SLCO3A1: variants seen among roughly 807,000 people sequenced by gnomAD.
SLCO3A1 encodes the protein solute carrier organic anion transporter family member 3A1.
Under a neutral mutation model 63.1 loss-of-function variants are expected in SLCO3A1, and 27 were observed. The observed-to-expected ratio is 0.43, with a 90% CI of 0.32 to 0.59. The LOEUF is 0.59. SLCO3A1 is among the 20% of genes least tolerant of loss of function. The probability of loss-of-function intolerance (pLI) is 0.09; values close to 1 mark genes in which losing one functional copy is unlikely to be tolerated. For missense variants in SLCO3A1, 773 were observed against 945.8 expected (o/e 0.82, Z 2.40); for synonymous variants, 473 against 409.9 (o/e 1.15, Z -1.86).
At chr15:92,082,228 G>A (rs567566625) in intron 2 of SLCO3A1, among the ~76,000 whole-genome samples, 1 of 152,314 alleles carries the variant, frequency 6.6e-6, no homozygotes, top group East Asian at 1.9e-4. Context: ...TATGGATCAT[G>A]TTTTATTCAT....
At chr15:92,065,149 C>T (rs1458401240) in intron 2 of SLCO3A1, among the ~76,000 whole-genome samples, 1 of 152,220 alleles carries the variant, frequency 6.6e-6, no homozygotes, top group East Asian at 1.9e-4. Context: ...GTGGCACGAT[C>T]TCAGCTCACT....
At chr15:92,107,024 A>C (rs2151548433) in intron 4 of SLCO3A1, among the ~76,000 whole-genome samples, 1 of 152,286 alleles carries the variant, frequency 6.6e-6, no homozygotes, top group Non-Finnish European at 1.5e-5. Context: ...ATGTTCCACT[A>C]GGGTGCAATA....
chr15:92,167,011 TAC>T (rs2048497238), downstream of SLCO3A1, among the ~76,000 whole-genome samples: 2 of 152,204 alleles, frequency 1.3e-5, no homozygotes, highest in Admixed American at 1.3e-4. Context: ...CATCTGATCA[TAC>T]AGTCAAGACC....
rs778767366 is a variant in SLCO3A1 at position 92,126,223 on chromosome 15, G to A, written c.1337G>A (p.Gly446Asp). The part of the protein sequence containing the change: ...VSFLFLGCDT[G>D]PVAGVTVPYG... ...TTCCTCTTCCTGGGCTGCGACACTG[G>A]CCCTGTGGCTGGGGTTACTGTTCCC... The change falls in exon 6 of 10, where the codon GGC (glycine) becomes GAC (aspartate). Residue 446 changes from glycine to aspartate, a missense_variant. Gly to Asp is a moderately conservative substitution (Grantham distance 94, BLOSUM62 -1). Around this residue, in one of 3 missense-constraint regions of SLCO3A1, gnomAD observed 565 missense variants for 749.8 expected, o/e 0.75. Transcript: ENST00000318445. 12 of 1,613,992 alleles carry A rather than the reference G, an allele frequency of 7.4e-6. No homozygotes were observed. In the East Asian group the frequency reaches 2.7e-4, roughly 36 times the overall value.
chr15:92,140,277 G>T (rs2151580184), intron 7 of SLCO3A1, among the ~76,000 whole-genome samples: 1 of 136,654 alleles, frequency 7.3e-6, no homozygotes, highest in South Asian at 2.6e-4. Flanking sequence ...TTTCCATGTA[G>T]TTGAGCGGTT....
chr15:91,968,888 C>T lies in SLCO3A1; in HGVS notation c.646+52430C>T, dbSNP rs183300692. On this transcript the variant is annotated intron_variant, in intron 2 of 9. Coordinates refer to ENST00000318445, the MANE Select transcript of SLCO3A1 (RefSeq NM_013272.4). This position sits in a 1 kb window ranked among gnomAD's most constrained non-coding sequence, Gnocchi z 4.2. ...GCATGGAGTCTCCTTTCTCTTTCCC[C>T]TACCCAGGGGATCTGGCAAACTCGT... 1.8e-4 allele frequency among the ~76,000 whole-genome samples: 27 copies of T among 152,308 alleles called. No individual in the cohort carries two copies. The East Asian group carries it at 5.0e-3, about 28-fold the overall frequency.
At chr15:91,878,006 G>A (rs1221108926) in intron 1 of SLCO3A1, among the ~76,000 whole-genome samples, 2 of 151,780 alleles carry the variant, frequency 1.3e-5, no homozygotes, top group Non-Finnish European at 2.9e-5. Context: ...AGAGAGAACT[G>A]TGCTGACAAC....
rs116340156 is a variant in SLCO3A1, at chr15:92,149,012, G to A, written c.1688+1853G>A. ...AGTAGTTTATTTTTCATTATTAGAC[G>A]TTTTCGTGAAGTTATATTGTGATAT... On this transcript the variant is annotated intron_variant, in intron 8 of 9. Transcript: ENST00000318445. 173 of 152,230 alleles carry A rather than the reference G, an allele frequency of 1.1e-3. 1 individual carries two copies. Among genetic ancestry groups the A allele is most frequent in the African/African-American group, 3.9e-3 (160 of 41,518 alleles). 9.4% of individuals were successfully genotyped at this position (152,230 alleles called of 1,614,324 possible).
intron 1 of SLCO3A1, among the ~76,000 whole-genome samples, chr15:91,914,567 CTT>C (rs556314311): frequency 5.4e-4 from 66 of 122,202 alleles, no homozygotes; most frequent in African/African-American, 1.2e-3. Context: ...TATTTTCTTC[CTT>C]TTTTTTTTTT....
chr15:91,959,595 G>T (rs1900361917), intron 2 of SLCO3A1, among the ~76,000 whole-genome samples: 1 of 151,478 alleles, frequency 6.6e-6, no homozygotes. Context: ...CGCTGGGTGT[G>T]GTGGTGGGCA....
At chr15:92,048,511 A>G (rs1427612553) in intron 2 of SLCO3A1, among the ~76,000 whole-genome samples, 1 of 152,188 alleles carries the variant, frequency 6.6e-6, no homozygotes, top group Non-Finnish European at 1.5e-5. Context: ...TGACCTGTGT[A>G]GAATGTTTAG....
At chr15:92,079,159 G>C (rs1000769200) in intron 2 of SLCO3A1, among the ~76,000 whole-genome samples, 2 of 152,162 alleles carry the variant, frequency 1.3e-5, no homozygotes, top group Non-Finnish European at 2.9e-5. Flanking sequence ...ATTTTATCCT[G>C]ACATCTGGGG....
At chr15:92,001,827 CTTTTTTTT>C (rs59951621) in intron 2 of SLCO3A1, among the ~76,000 whole-genome samples, 3 of 80,106 alleles carry the variant, frequency 3.7e-5, no homozygotes, top group African/African-American at 1.6e-4. Context: ...TGTGTGAGTT[CTTTTTTTT>C]TTTTTTTTTT....
intron 4 of SLCO3A1, among the ~76,000 whole-genome samples, chr15:92,108,751 C>T (rs2151550028): frequency 6.6e-6 from 1 of 152,224 alleles, no homozygotes; most frequent in East Asian, 1.9e-4. Context: ...TTGTTTGCTG[C>T]TATTTCTCCC....
chr15:92,093,920 C>G (rs1156656561), intron 2 of SLCO3A1, among the ~76,000 whole-genome samples: 2 of 152,156 alleles, frequency 1.3e-5, no homozygotes, highest in African/African-American at 4.8e-5. Context: ...CCTGTTAGCA[C>G]CCAACCTTGG....
intron 3 of SLCO3A1, among the ~76,000 whole-genome samples, chr15:92,095,367 G>T (rs769818157): frequency 1.3e-5 from 2 of 152,196 alleles, no homozygotes; most frequent in African/African-American, 2.4e-5. Context: ...CCTATATGAG[G>T]ATCCTACTTT....
intron 2 of SLCO3A1, among the ~76,000 whole-genome samples, chr15:92,089,148 C>T (rs900192575): frequency 6.6e-6 from 1 of 152,016 alleles, no homozygotes; most frequent in African/African-American, 2.4e-5. Context: ...GCCTCAGCCT[C>T]CTGAGTAGCT....
chr15:92,157,605 C>T (rs539553650), intron 9 of SLCO3A1, among the ~76,000 whole-genome samples: 4 of 152,142 alleles, frequency 2.6e-5, no homozygotes, highest in East Asian at 1.9e-4. Context: ...ATTCTCCTGC[C>T]TCAGCCTCCC....
At chr15:91,937,384 G>T (rs1469956165) in intron 2 of SLCO3A1, among the ~76,000 whole-genome samples, 2 of 152,158 alleles carry the variant, frequency 1.3e-5, no homozygotes, top group Non-Finnish European at 2.9e-5. Flanking sequence ...AGGGTCTCTG[G>T]GAGGCAGCCA....
Sources: allele counts gnomAD v4.1 joint callset (sites outside exome capture counted in the v4.1 genomes callset), GRCh38; gene constraint gnomAD v4.1.1; regional missense constraint gnomAD v4.1.1; non-coding constraint Gnocchi (gnomAD v3.1); transcripts MANE v1.5; gene names NCBI Gene and HGNC (gene_info 2026-07-23, HGNC 2026-07-21).